Variants in MARK3 observed in about 807,000 individuals in gnomAD.
MARK3 encodes microtubule affinity regulating kinase 3.
In MARK3, 46 loss-of-function variants were observed where a neutral mutation model predicts 90.1. That is an observed-to-expected ratio of 0.51 (90% CI 0.40 to 0.65). MARK3 has a LOEUF of 0.65. Ranked by LOEUF, MARK3 falls within the 30% of genes least tolerant of loss-of-function variation. The pLI is 0.00. For missense variants in MARK3, 818 were observed against 947.2 expected, an observed-to-expected ratio of 0.86 and a Z score of 1.79; for synonymous variants, 321 against 332.6, an observed-to-expected ratio of 0.97 and a Z score of 0.38.
At chr14:103,423,984 T>A (rs1818224189) in intron 2 of MARK3, among the ~76,000 whole-genome samples, 1 of 151,952 alleles carries the variant, frequency 6.6e-6, no homozygotes. Context: ...GGCGGGTGGA[T>A]CACCTGAGGT....
chr14:103,386,894 C>T (rs2089848970), intron 1 of MARK3, among the ~76,000 whole-genome samples: 1 of 152,112 alleles, frequency 6.6e-6, no homozygotes, highest in African/African-American at 2.4e-5. Flanking sequence ...TACAAAATGC[C>T]AGGAACAGCA....
chr14:103,400,979 GTGTA>G lies in MARK3; in HGVS notation c.52-4094_52-4091del, dbSNP rs1280505155. 1.7e-3 allele frequency among the ~76,000 whole-genome samples: 254 copies of G among 146,352 alleles called. 3 individuals are homozygous for G. The highest frequency in any genetic ancestry group is 4.1e-3 in the African/African-American group (153 of 37,292). ...TGTGTGTGTGTGTGTGTGTGTGTGT[GTGTA>G]TGCAGGTTGTTTATTGGCTCCTTAG... On this transcript the variant is annotated intron_variant, in intron 1 of 17. Transcript: ENST00000429436.
At chr14:103,446,601 T>C (rs1354214947) in intron 3 of MARK3, among the ~76,000 whole-genome samples, 1 of 152,002 alleles carries the variant, frequency 6.6e-6, no homozygotes, top group Non-Finnish European at 1.5e-5. Context: ...TTGAGGGGTA[T>C]GCAGAAGTTG....
intron 6 of MARK3, among the ~76,000 whole-genome samples, chr14:103,460,073 C>T (rs201879791): frequency 2.9e-3 from 119 of 41,694 alleles, no homozygotes; most frequent in South Asian, 0.012. Context: ...CCAGCTCCAT[C>T]TTTTTTTTTT....
Position 103,450,762 on chromosome 14 carries a change from AC to A in MARK3, c.347-1155del, listed in dbSNP as rs1272502584. ...CAGAAAATTGCTTGAAATATAAAAC[AC>A]TAGCATACCCCCCAGTTTTGGGTAA... On this transcript the variant is annotated intron_variant, in intron 4 of 17. Transcript: ENST00000429436. Among the ~76,000 whole-genome samples the A allele has an allele frequency of 2.0e-5, 3 of 152,106 alleles. No individual in the cohort carries two copies. The East Asian group carries it at 5.8e-4, about 29-fold the overall frequency.
chr14:103,399,559 C>T (rs2090811063), intron 1 of MARK3, among the ~76,000 whole-genome samples: 1 of 151,882 alleles, frequency 6.6e-6, no homozygotes, highest in African/African-American at 2.4e-5. Context: ...ATTAGCCGGG[C>T]ACGGTGGCGG....
chr14:103,411,773 C>T (rs2091646978), intron 2 of MARK3, among the ~76,000 whole-genome samples: 1 of 152,126 alleles, frequency 6.6e-6, no homozygotes, highest in East Asian at 1.9e-4. Context: ...CAGGTGTGTG[C>T]CACCACGCCC....
At chr14:103,429,173 A>T (rs968489996) in intron 3 of MARK3, 1 of 152,226 alleles carries the variant, frequency 6.6e-6, no homozygotes, top group African/African-American at 2.4e-5. Context: ...GTCTTTTTAC[A>T]TACTTCATTT....
At chr14:103,440,508 G>A (rs2092823215) in intron 3 of MARK3, among the ~76,000 whole-genome samples, 1 of 151,492 alleles carries the variant, frequency 6.6e-6, no homozygotes, top group South Asian at 2.1e-4. Flanking sequence ...GCCATCACAG[G>A]AGAATTGCTT....
intron 7 of MARK3, among the ~76,000 whole-genome samples, chr14:103,462,668 G>A (rs999019921): frequency 1.3e-5 from 2 of 152,176 alleles, no homozygotes; most frequent in Middle Eastern, 3.4e-3. Flanking sequence ...TTTCAGTTAC[G>A]GTGACTGGTG....
chr14:103,459,968 C>T (rs1422771373), intron 6 of MARK3, among the ~76,000 whole-genome samples: 1 of 150,924 alleles, frequency 6.6e-6, no homozygotes, highest in East Asian at 2.0e-4. Flanking sequence ...GGGTTTTCCC[C>T]TTCTGCTTCC....
chr14:103,425,488 C>G (rs894558543), intron 2 of MARK3, among the ~76,000 whole-genome samples: 1 of 151,958 alleles, frequency 6.6e-6, no homozygotes, highest in Admixed American at 6.6e-5. Flanking sequence ...GTCTCGAACT[C>G]CTGACCTCAG....
chr14:103,435,564 A>G lies in MARK3; in HGVS notation c.297+7124A>G, dbSNP rs770187603. 2.6e-5 allele frequency among the ~76,000 whole-genome samples: 4 copies of G among 151,822 alleles called. No individual in the cohort carries two copies. In the East Asian group the frequency reaches 7.8e-4, roughly 30 times the overall value. On this transcript the variant is annotated intron_variant, in intron 3 of 17. Coordinates refer to ENST00000429436, the MANE Select transcript of MARK3 (RefSeq NM_001128918.3). ...GCTGGGACTACAAGCACCCGCCACC[A>G]CGCCCGGCTAATTTTTTGTATTTTT...
chr14:103,455,906 G>A (rs78723432), intron 5 of MARK3, among the ~76,000 whole-genome samples: 1 of 152,176 alleles, frequency 6.6e-6, no homozygotes, highest in East Asian at 1.9e-4. Context: ...TTTTCACTAA[G>A]CTGATGGAGG....
At chr14:103,423,890 T>A (rs1289606597) in intron 2 of MARK3, among the ~76,000 whole-genome samples, 2 of 152,192 alleles carry the variant, frequency 1.3e-5, no homozygotes, top group Non-Finnish European at 1.5e-5. Flanking sequence ...TGAATAGCAG[T>A]ACCTGAAGAT....
At chr14:103,388,574 G>C (rs1433638257) in intron 1 of MARK3, among the ~76,000 whole-genome samples, 1 of 152,154 alleles carries the variant, frequency 6.6e-6, no homozygotes, top group Non-Finnish European at 1.5e-5. Context: ...TATACAGTTT[G>C]GTGAATTTTG....
intron 14 of MARK3, among the ~76,000 whole-genome samples, chr14:103,488,555 A>G (rs2093968745): frequency 6.6e-6 from 1 of 152,030 alleles, no homozygotes; most frequent in African/African-American, 2.4e-5. Context: ...TTCTCAAACA[A>G]AAATGCAGGG....
At chr14:103,418,867 C>T (rs1043768159) in intron 2 of MARK3, among the ~76,000 whole-genome samples, 2 of 152,264 alleles carry the variant, frequency 1.3e-5, no homozygotes, top group East Asian at 1.9e-4. Context: ...TTTCCGCCCT[C>T]GGAATTTTAT....
At position 103,421,706 on chromosome 14, in the gene MARK3, T is replaced by G. The variant is rs2092229561; in HGVS notation, c.244-6681T>G. Among the ~76,000 whole-genome samples, 3 of 152,218 alleles carry G rather than the reference T, an allele frequency of 2.0e-5. 1 individual carries two copies. Among genetic ancestry groups the G allele is most frequent in the Admixed American group, 2.0e-4 (3 of 15,286 alleles). On this transcript the variant is annotated intron_variant, in intron 2 of 17. Coordinates refer to ENST00000429436, the MANE Select transcript of MARK3 (RefSeq NM_001128918.3). ...CATGTTCCACTGTACTGCTGTCAGA[T>G]TTTTATCTCCCAGAAATTCTTTGAA... is the stretch of plus-strand genomic sequence containing the variant.
Sources: allele counts gnomAD v4.1 joint callset (sites outside exome capture counted in the v4.1 genomes callset), GRCh38; gene constraint gnomAD v4.1.1; transcripts MANE v1.5; gene names NCBI Gene and HGNC (gene_info 2026-07-23, HGNC 2026-07-21).